The following PPARGC1A variants were observed in gnomAD, a reference collection of about 807,000 sequenced individuals.
The protein encoded by PPARGC1A is peroxisome proliferator-activated receptor gamma coactivator 1-alpha.
Under a neutral mutation model 88.7 loss-of-function variants are expected in PPARGC1A, and 25 were observed. That is an observed-to-expected ratio of 0.28 (90% CI 0.21 to 0.39). The LOEUF (loss-of-function observed/expected upper bound fraction) is 0.39. Among genes scored for constraint, PPARGC1A ranks in the 10% least tolerant of loss-of-function variants. The pLI is 1.00. For synonymous variants in PPARGC1A, 363 were observed against 355.6 expected, an observed-to-expected ratio of 1.02 and a Z score of -0.24; for missense variants, 880 against 968.7, an observed-to-expected ratio of 0.91 and a Z score of 1.22.
chr4:23,919,271 T>G, the PPARGC1A span, among the ~76,000 whole-genome samples: 1 of 152,152 alleles, frequency 6.6e-6, no homozygotes, highest in South Asian at 2.1e-4. Flanking sequence ...GTAGTTTGTT[T>G]CTACTGTGGT....
chr4:24,120,486 G>C, the PPARGC1A span, among the ~76,000 whole-genome samples: 1 of 152,152 alleles, frequency 6.6e-6, no homozygotes, highest in African/African-American at 2.4e-5. Flanking sequence ...AGACTTTGTA[G>C]ATAAACATTG....
the PPARGC1A span, among the ~76,000 whole-genome samples, chr4:24,176,140 C>T: frequency 6.6e-6 from 1 of 152,218 alleles, no homozygotes; most frequent in African/African-American, 2.4e-5. Context: ...GGACCTACTA[C>T]AGCTCCTGGC....
At chr4:23,939,010 T>TG in the PPARGC1A span, among the ~76,000 whole-genome samples, 1 of 152,180 alleles carries the variant, frequency 6.6e-6, no homozygotes, top group Admixed American at 6.5e-5. Context: ...TTGGGCTGGA[T>TG]GGGGTCCATG....
the PPARGC1A span, among the ~76,000 whole-genome samples, chr4:24,128,577 T>TGC: frequency 7.6e-6 from 1 of 130,962 alleles, no homozygotes; most frequent in Admixed American, 7.7e-5. Context: ...TGTGTGTGTG[T>TGC]GTGCACGCGC....
intron 2 of PPARGC1A, among the ~76,000 whole-genome samples, chr4:23,871,313 G>A (rs770673863): frequency 7.9e-5 from 12 of 152,310 alleles, no homozygotes; most frequent in Middle Eastern, 3.4e-3. Context: ...TGGGATTGCC[G>A]GTGATAGGAT....
chr4:24,036,331 G>C, the PPARGC1A span, among the ~76,000 whole-genome samples: 1 of 152,062 alleles, frequency 6.6e-6, no homozygotes, highest in African/African-American at 2.4e-5. Flanking sequence ...AAAACCACTT[G>C]GCAGTGTTTA....
At chr4:24,145,687 C>A in the PPARGC1A span, among the ~76,000 whole-genome samples, 8 of 152,122 alleles carry the variant, frequency 5.3e-5, no homozygotes, top group Admixed American at 4.6e-4. Context: ...ATACCACGTT[C>A]GACTTAGGTT....
chr4:24,215,051 G>C, the PPARGC1A span, among the ~76,000 whole-genome samples: 1 of 152,138 alleles, frequency 6.6e-6, no homozygotes, highest in South Asian at 2.1e-4. Flanking sequence ...CCATTGAACA[G>C]AGCCCTAAGT....
At chr4:24,054,810 C>G in the PPARGC1A span, among the ~76,000 whole-genome samples, 1 of 152,140 alleles carries the variant, frequency 6.6e-6, no homozygotes, top group Non-Finnish European at 1.5e-5. Flanking sequence ...ATACAAGAAA[C>G]AGTCATAAAA....
At chr4:24,103,276 T>C in the PPARGC1A span, among the ~76,000 whole-genome samples, 1 of 152,102 alleles carries the variant, frequency 6.6e-6, no homozygotes, top group Non-Finnish European at 1.5e-5. Context: ...CTGCCTTCCC[T>C]TCTCAATCAG....
At chr4:24,120,535 C>T in the PPARGC1A span, among the ~76,000 whole-genome samples, 2 of 152,100 alleles carry the variant, frequency 1.3e-5, no homozygotes, top group Non-Finnish European at 2.9e-5. Context: ...AAATGAAGAT[C>T]TAGGGAGAGT....
chr4:24,284,796 A>T, the PPARGC1A span, among the ~76,000 whole-genome samples: 1 of 152,226 alleles, frequency 6.6e-6, no homozygotes, highest in Non-Finnish European at 1.5e-5. Flanking sequence ...TGGGAGGCCA[A>T]GGCAGACGGA....
the PPARGC1A span, among the ~76,000 whole-genome samples, chr4:23,928,604 T>C: frequency 2.0e-5 from 3 of 151,996 alleles, no homozygotes; most frequent in Non-Finnish European, 4.4e-5. Flanking sequence ...ACTGAGTATA[T>C]GCCTAAAGGA....
At chr4:24,177,386 T>C in the PPARGC1A span, among the ~76,000 whole-genome samples, 1 of 150,800 alleles carries the variant, frequency 6.6e-6, no homozygotes, top group Non-Finnish European at 1.5e-5. Flanking sequence ...AAACACCGCA[T>C]GTTCTCACTC....
the PPARGC1A span, among the ~76,000 whole-genome samples, chr4:24,433,839 C>A: frequency 6.6e-6 from 1 of 152,160 alleles, no homozygotes; most frequent in Non-Finnish European, 1.5e-5. Flanking sequence ...ACTCAAGAAG[C>A]TATTAAGTCT....
chr4:24,402,094 T>C, the PPARGC1A span, among the ~76,000 whole-genome samples: 21 of 152,292 alleles, frequency 1.4e-4, no homozygotes, highest in Admixed American at 1.4e-3. Context: ...CGCTGCTGAA[T>C]AGAACTCTAT....
chr4:23,911,975 A>G, the PPARGC1A span, among the ~76,000 whole-genome samples: 1 of 152,208 alleles, frequency 6.6e-6, no homozygotes, highest in East Asian at 1.9e-4. Context: ...ATGTCCCCAA[A>G]CATAACCAAC....
At chr4:24,224,815 A>G in the PPARGC1A span, among the ~76,000 whole-genome samples, 2 of 152,158 alleles carry the variant, frequency 1.3e-5, no homozygotes, top group African/African-American at 4.8e-5. Context: ...GGTAAGAGAG[A>G]AGCCTGCAGT....
At chr4:24,261,760 T>C in the PPARGC1A span, among the ~76,000 whole-genome samples, 30 of 151,984 alleles carry the variant, frequency 2.0e-4, no homozygotes, top group Admixed American at 4.6e-4. Context: ...TTTCTGACTA[T>C]TAAAGGGCCC....
Sources: gnomAD v4.1 joint callset for allele counts (sites outside exome capture counted in the v4.1 genomes callset) on GRCh38, gnomAD v4.1.1 for gene constraint, MANE v1.5 for transcripts, NCBI Gene and HGNC (gene_info 2026-07-23, HGNC 2026-07-21) for gene names.